Variants in ZFYVE1 observed in about 807,000 individuals in gnomAD.
The protein encoded by ZFYVE1 is zinc finger FYVE-type containing 1, also known as zinc finger FYVE domain-containing protein 1.
A neutral mutation model predicts 74.4 loss-of-function variants in ZFYVE1; 30 were observed. That is an observed-to-expected ratio of 0.40 (90% CI 0.30 to 0.55). ZFYVE1 has a LOEUF of 0.55. ZFYVE1 is among the 20% of genes least tolerant of loss of function. The pLI is 0.42. For missense variants in ZFYVE1, 703 were observed against 1,011.6 expected (o/e 0.69, Z 4.14); for synonymous variants, 335 against 385.1 (o/e 0.87, Z 1.52).
At chr14:73,018,876 G>A (rs142907728) in intron 2 of ZFYVE1, among the ~76,000 whole-genome samples, 2,124 of 151,874 alleles carry the variant, frequency 0.014, 39 homozygotes, top group East Asian at 0.048. Flanking sequence ...CCCAGGAGGC[G>A]GAGGTTGTAG....
intron 10 of ZFYVE1, 65 bp downstream of exon 10, chr14:72,974,714 T>C: frequency 6.5e-7 from 1 of 1,533,888 alleles, no homozygotes; most frequent in South Asian, 1.2e-5. Flanking sequence ...ATCCAGTTCT[T>C]AGCACCCAGG....
intron 4 of ZFYVE1, among the ~76,000 whole-genome samples, chr14:72,985,683 A>C (rs1246004125): frequency 6.6e-6 from 1 of 152,062 alleles, no homozygotes; most frequent in East Asian, 1.9e-4. Flanking sequence ...AAGAGGAGAC[A>C]CAGCTAAGGA....
At chr14:72,988,031 A>C (rs974757920) in intron 4 of ZFYVE1, among the ~76,000 whole-genome samples, 1 of 151,942 alleles carries the variant, frequency 6.6e-6, no homozygotes, top group African/African-American at 2.4e-5. Flanking sequence ...CACACCAAAA[A>C]CTGTTCTTCT....
At chr14:73,018,529 C>G (rs1484741226) in intron 2 of ZFYVE1, among the ~76,000 whole-genome samples, 4 of 150,940 alleles carry the variant, frequency 2.7e-5, no homozygotes, top group African/African-American at 9.7e-5. Flanking sequence ...ATAATACTCA[C>G]TACAGCTGAA....
chr14:73,005,812 T>C (rs1423363905), intron 2 of ZFYVE1, among the ~76,000 whole-genome samples: 1 of 152,190 alleles, frequency 6.6e-6, no homozygotes, highest in African/African-American at 2.4e-5. Flanking sequence ...CACCTGTGAA[T>C]TGCTCATTTG....
chr14:72,988,524 G>A (rs1306569717), intron 4 of ZFYVE1, among the ~76,000 whole-genome samples: 2 of 151,422 alleles, frequency 1.3e-5, no homozygotes, highest in East Asian at 2.0e-4. Flanking sequence ...TAGGCATTTC[G>A]GGCCTGGCAC....
intron 4 of ZFYVE1, among the ~76,000 whole-genome samples, chr14:72,990,858 G>A (rs922571685): frequency 1.3e-5 from 2 of 151,034 alleles, no homozygotes; most frequent in Non-Finnish European, 3.0e-5. Flanking sequence ...CTGCCACCAC[G>A]CCCAGCTAAT....
intron 2 of ZFYVE1, among the ~76,000 whole-genome samples, chr14:73,021,181 C>G (rs1402473907): frequency 6.6e-6 from 1 of 152,000 alleles, no homozygotes; most frequent in Non-Finnish European, 1.5e-5. Context: ...CCCATCTCTA[C>G]TAAAACAAAC....
chr14:73,026,730 G>T (rs974744561), intron 1 of ZFYVE1, among the ~76,000 whole-genome samples, 196 bp downstream of exon 1: 15 of 151,424 alleles, frequency 9.9e-5, no homozygotes, highest in Admixed American at 8.6e-4. Context: ...TAAGAACAAA[G>T]AAGGTCCCCC....
At chr14:73,013,501 C>G (rs2333020) in intron 2 of ZFYVE1, among the ~76,000 whole-genome samples, 55,284 of 151,398 alleles carry the variant, frequency 0.37, 11,400 homozygotes, top group African/African-American at 0.56. Context: ...CCAGCTACTT[C>G]GGAGGCTGAG....
At chr14:73,001,370 A>G (rs891798516) in intron 2 of ZFYVE1, among the ~76,000 whole-genome samples, 3 of 152,196 alleles carry the variant, frequency 2.0e-5, no homozygotes, top group Non-Finnish European at 4.4e-5. Context: ...AATCCACAGT[A>G]GTCTTTAAGT....
At chr14:73,020,301 T>C (rs1467642309) in intron 2 of ZFYVE1, among the ~76,000 whole-genome samples, 2 of 150,328 alleles carry the variant, frequency 1.3e-5, no homozygotes, top group East Asian at 2.0e-4. Context: ...AGGATAAGTA[T>C]ACATGAAAAA....
At chr14:72,977,075 C>G (rs1031528917) in intron 8 of ZFYVE1, among the ~76,000 whole-genome samples, 1 of 152,130 alleles carries the variant, frequency 6.6e-6, no homozygotes, top group Non-Finnish European at 1.5e-5. Flanking sequence ...GCCTCACAAA[C>G]AGATTTGTAT....
chr14:72,972,435 T>C (rs1423698261), intron 11 of ZFYVE1, among the ~76,000 whole-genome samples: 2 of 152,218 alleles, frequency 1.3e-5, no homozygotes, highest in East Asian at 3.9e-4. Context: ...CAGGTACCCC[T>C]GGGGACAGAT....
In ZFYVE1 at chr14:72,974,085, G is replaced by T; in HGVS notation, c.2096C>A (p.Pro699Gln). Reference protein sequence around the residue: ...LGAVVTAIDIPLGLVKDAARP... With the variant: ...LGAVVTAIDIQLGLVKDAARP... ...AGAAGCACTGCCAGGCCCACCTAGT[G>T]GTATGTCAATGGCTGTCACCACGGC... The change falls in exon 11 of 12, where the codon CCA (proline) becomes CAA (glutamine). Residue 699 changes from proline (P) to glutamine (Q), a missense_variant. Pro to Gln is a moderately conservative substitution (Grantham distance 76, BLOSUM62 -1). Coordinates refer to ENST00000556143, the MANE Select transcript of ZFYVE1 (RefSeq NM_021260.4). 1 of 1,614,002 alleles carries T rather than the reference G, an allele frequency of 6.2e-7. No homozygotes were observed. The highest frequency in any genetic ancestry group is 1.1e-5 in the South Asian group (1 of 91,072).
chr14:73,009,419 A>C (rs993980315), intron 2 of ZFYVE1, among the ~76,000 whole-genome samples: 1 of 152,200 alleles, frequency 6.6e-6, no homozygotes, highest in Non-Finnish European at 1.5e-5. Context: ...CCCAAGCCAG[A>C]GTCATCACCA....
intron 11 of ZFYVE1, among the ~76,000 whole-genome samples, chr14:72,972,079 G>A (rs1009254744): frequency 9.2e-5 from 14 of 152,128 alleles, no homozygotes; most frequent in South Asian, 4.2e-4. Context: ...AAAATTAGCC[G>A]GGCGTGGTGG....
At chr14:72,995,343 C>A (rs1241506123) in intron 3 of ZFYVE1, among the ~76,000 whole-genome samples, 4 of 152,150 alleles carry the variant, frequency 2.6e-5, no homozygotes, top group Admixed American at 2.0e-4. Context: ...GTGATCCGCC[C>A]ACCTTGGCCT....
At position 72,997,866 on chromosome 14, in the gene ZFYVE1, C is replaced by T; in HGVS notation, c.933G>A (p.Leu311=). The part of the protein sequence containing the change: ...RCGLDVPLST[L]GPAVIIFHET... The stretch of plus-strand genomic sequence containing the variant: ...CATGGAAGATGATAACTGCAGGGCC[C>T]AGTGTGGATAAAGGGACATCCAGGC... Residue 311 remains leucine, a synonymous_variant, in exon 3 of 12, where the codon CTG becomes CTA. Coordinates refer to ENST00000556143, the MANE Select transcript of ZFYVE1 (RefSeq NM_021260.4). 6.2e-7 allele frequency: 1 copy of T among 1,612,702 alleles called. No individual in the cohort carries two copies. Among genetic ancestry groups the T allele is most frequent in the Non-Finnish European group, 8.5e-7 (1 of 1,178,878 alleles).
Sources: allele counts gnomAD v4.1 joint callset (sites outside exome capture counted in the v4.1 genomes callset), GRCh38; gene constraint gnomAD v4.1.1; transcripts MANE v1.5; gene names NCBI Gene and HGNC (gene_info 2026-07-23, HGNC 2026-07-21).